GRIK1: variants seen among roughly 807,000 people sequenced by gnomAD.
GRIK1 encodes the protein glutamate ionotropic receptor kainate type subunit 1.
Under a neutral mutation model 105.7 loss-of-function variants are expected in GRIK1, and 69 were observed. That is an observed-to-expected ratio of 0.65 (90% CI 0.54 to 0.80). GRIK1 has a LOEUF of 0.80. Ranked by LOEUF, GRIK1 falls within the 30% of genes least tolerant of loss-of-function variation. The pLI is 0.00. For synonymous variants in GRIK1, 438 were observed against 431.3 expected (o/e 1.02, Z -0.19); for missense variants, 1,109 against 1,167.3 (o/e 0.95, Z 0.73).
At chr21:29,816,617 A>C (rs1158787038) in intron 1 of GRIK1, among the ~76,000 whole-genome samples, 1 of 152,162 alleles carries the variant, frequency 6.6e-6, no homozygotes, top group Non-Finnish European at 1.5e-5. Context: ...CCATAAATAA[A>C]GAATGAAATC....
chr21:29,589,389 C>T (rs1421107710), intron 10 of GRIK1, among the ~76,000 whole-genome samples: 1 of 150,578 alleles, frequency 6.6e-6, no homozygotes, highest in Non-Finnish European at 1.5e-5. Flanking sequence ...CCTGCTGTGC[C>T]AATACCTAAG....
chr21:29,728,479 T>C (rs2064526253), intron 1 of GRIK1, among the ~76,000 whole-genome samples: 1 of 152,106 alleles, frequency 6.6e-6, no homozygotes, highest in African/African-American at 2.4e-5. Flanking sequence ...GGGATGCAGG[T>C]GGTGGATGAG....
chr21:29,713,872 A>G (rs937349970), intron 1 of GRIK1, among the ~76,000 whole-genome samples: 1 of 151,978 alleles, frequency 6.6e-6, no homozygotes, highest in Non-Finnish European at 1.5e-5. Flanking sequence ...TTGGTGTAGC[A>G]CCTCTTAATT....
intron 1 of GRIK1, among the ~76,000 whole-genome samples, chr21:29,788,285 G>C (rs1157023646): frequency 3.9e-5 from 6 of 152,178 alleles, no homozygotes; most frequent in African/African-American, 1.4e-4. Flanking sequence ...TATACAAGGT[G>C]GTCAAGACGG....
At chr21:29,671,528 GC>G (rs1037743380) in intron 4 of GRIK1, among the ~76,000 whole-genome samples, 5 of 151,960 alleles carry the variant, frequency 3.3e-5, no homozygotes, top group Non-Finnish European at 5.9e-5. Flanking sequence ...GCATGGAGGT[GC>G]TCTGCAAGTG....
intron 1 of GRIK1, among the ~76,000 whole-genome samples, chr21:29,726,887 G>A (rs1484326851): frequency 6.6e-6 from 1 of 151,162 alleles, no homozygotes; most frequent in Non-Finnish European, 1.5e-5. Context: ...TCTGTCTACT[G>A]TATTATTTTG....
chr21:29,574,329 T>A (rs1438158214), intron 14 of GRIK1, among the ~76,000 whole-genome samples: 1 of 152,212 alleles, frequency 6.6e-6, no homozygotes, highest in Non-Finnish European at 1.5e-5. Flanking sequence ...GTGCTGAACA[T>A]CTTGAAGGAA....
chr21:29,921,841 G>C (rs1379762536), intron 1 of GRIK1, among the ~76,000 whole-genome samples: 1 of 152,058 alleles, frequency 6.6e-6, no homozygotes, highest in African/African-American at 2.4e-5. Context: ...TGAAAATTTT[G>C]GTTTAAAAAT....
chr21:29,721,495 G>A (rs1042225450), intron 1 of GRIK1, among the ~76,000 whole-genome samples: 1 of 150,744 alleles, frequency 6.6e-6, no homozygotes, highest in African/African-American at 2.4e-5. Flanking sequence ...AGGGCCTTAG[G>A]AAGCTGAATC....
At chr21:29,599,353 G>A (rs1468007450) in intron 7 of GRIK1, among the ~76,000 whole-genome samples, 1 of 152,182 alleles carries the variant, frequency 6.6e-6, no homozygotes, top group East Asian at 1.9e-4. Context: ...GACTAATATA[G>A]TCCAATGATG....
chr21:29,659,436 T>A (rs1023209249), intron 4 of GRIK1, among the ~76,000 whole-genome samples: 7 of 152,168 alleles, frequency 4.6e-5, no homozygotes, highest in Non-Finnish European at 7.4e-5. Context: ...TCAAAAGACA[T>A]CAATACCAAA....
chr21:29,872,294 C>T lies in GRIK1; in HGVS notation c.118+67089G>A, dbSNP rs370785857. Among the ~76,000 whole-genome samples the T allele has an allele frequency of 7.2e-3, 1,083 of 150,902 alleles. 10 individuals carry two copies. The highest frequency in any genetic ancestry group is 0.01 in the Non-Finnish European group (706 of 67,770). The stretch of plus-strand genomic sequence containing the variant: ...CTGCAAGCTCCGCTTCCTGGGTTCA[C>T]GCCATTCTCCTGCCTCAGCCTCCCG... On this transcript the variant is annotated intron_variant, in intron 1 of 17. Transcript: ENST00000327783.
In GRIK1 at chr21:29,537,203, T is replaced by C. The variant is rs1022390798; in HGVS notation, c.*27A>G. 3 of 1,541,182 alleles carry C rather than the reference T, an allele frequency of 1.9e-6. No individual in the cohort carries two copies. In the Admixed American group the frequency reaches 6.4e-5, roughly 33 times the overall value. On this transcript the variant is annotated 3_prime_UTR_variant, in exon 18 of 18. Coordinates refer to ENST00000327783, the MANE Select transcript of GRIK1 (RefSeq NM_001330994.2). ...CAAAAATCTGTAGGGAATGCATCCT[T>C]TTTCTTCCTACAGGCGTTTCCTTGG...
chr21:29,648,395 G>A (rs904730570), intron 6 of GRIK1, among the ~76,000 whole-genome samples: 2 of 152,070 alleles, frequency 1.3e-5, no homozygotes, highest in African/African-American at 4.8e-5. Flanking sequence ...TACTAATCAT[G>A]CACATTCACA....
intron 1 of GRIK1, among the ~76,000 whole-genome samples, chr21:29,720,734 C>T (rs766288377): frequency 6.6e-6 from 1 of 152,144 alleles, no homozygotes; most frequent in Non-Finnish European, 1.5e-5. Flanking sequence ...TAAGCGTACA[C>T]ACACGCACCC....
intron 1 of GRIK1, among the ~76,000 whole-genome samples, chr21:29,857,840 G>A (rs950763311): frequency 3.9e-5 from 6 of 152,088 alleles, no homozygotes; most frequent in Non-Finnish European, 8.8e-5. Context: ...CCTTCAGCTC[G>A]AACATCAAAC....
chr21:29,653,416 T>C (rs961075541), intron 5 of GRIK1, among the ~76,000 whole-genome samples: 5 of 152,236 alleles, frequency 3.3e-5, no homozygotes, highest in Admixed American at 6.5e-5. Context: ...CCCTTGTGCA[T>C]GCAGAATGAG....
chr21:29,672,943 C>A, intron 4 of GRIK1, 40 bp downstream of exon 4: 6 of 1,458,854 alleles, frequency 4.1e-6, no homozygotes, highest in East Asian at 2.3e-5. Flanking sequence ...TAGAAAATAA[C>A]ATTTATCCCA....
chr21:29,830,429 G>T (rs1354977386), intron 1 of GRIK1, among the ~76,000 whole-genome samples: 3 of 151,228 alleles, frequency 2.0e-5, no homozygotes, highest in African/African-American at 7.3e-5. Context: ...TGGATTTAAA[G>T]AAAATGTGAT....
Sources: gnomAD v4.1 joint callset for allele counts (sites outside exome capture counted in the v4.1 genomes callset) on GRCh38, gnomAD v4.1.1 for gene constraint, MANE v1.5 for transcripts, NCBI Gene and HGNC (gene_info 2026-07-23, HGNC 2026-07-21) for gene names.